The following ACAP3 variants were observed in gnomAD, a reference collection of about 807,000 sequenced individuals.
ACAP3 encodes the protein arf-GAP with coiled-coil, ANK repeat and PH domain-containing protein 3.
Under a neutral mutation model 104.1 loss-of-function variants are expected in ACAP3, and 56 were observed. The ratio of observed to expected loss-of-function variants is 0.54; its 90% CI spans 0.43 to 0.67. ACAP3 has a LOEUF of 0.67. Ranked by LOEUF, ACAP3 falls within the 30% of genes least tolerant of loss-of-function variation. ACAP3 has a pLI of 0.00. For synonymous variants in ACAP3, 628 were observed against 496.2 expected (o/e 1.27, Z -3.53); for missense variants, 1,208 against 1,174.9 (o/e 1.03, Z -0.41).
intron 9 of ACAP3, chr1:1,299,626 G>T: frequency 1.4e-6 from 1 of 727,184 alleles, no homozygotes; most frequent in South Asian, 2.0e-5. Context: ...CGCCTCAAAA[G>T]GAGATCCCAG....
Position 1,307,810 on chromosome 1 carries a change from G to A in ACAP3, c.6C>T (p.Thr2=). The change falls in exon 1 of 24, where the codon ACC becomes ACT. Residue 2 remains threonine, a synonymous_variant. Transcript: ENST00000354700. M[T]VEFEECVKDS... The stretch of plus-strand genomic sequence containing the variant: ...CCTTGACGCACTCCTCGAACTCCAC[G>A]GTCATGGCTGCGGCGGCCGCGGCGC... 2 of 1,067,428 alleles carry A rather than the reference G, an allele frequency of 1.9e-6. No homozygotes were observed. Among genetic ancestry groups the A allele is most frequent in the Non-Finnish European group, 2.3e-6 (2 of 883,320 alleles). The allele number at this position is 1,067,428 out of a possible 1,614,324, so 66.1% of individuals were successfully genotyped here.
intron 6 of ACAP3, 79 bp downstream of exon 6, chr1:1,300,430 C>G (rs888557672): frequency 6.9e-7 from 1 of 1,455,258 alleles, no homozygotes; most frequent in Non-Finnish European, 9.3e-7. Context: ...CTCAAAATCC[C>G]TCCAGTTCTG....
Position 1,300,688 on chromosome 1 carries a change from C to A in ACAP3, c.343G>T (p.Val115Leu). The A allele has an allele frequency of 6.2e-7, 1 of 1,608,118 alleles. No homozygotes were observed. The highest frequency in any genetic ancestry group is 1.1e-5 in the South Asian group (1 of 90,300). ...QQLQSFVKED[V>L]RKFKETKKQF... ...TTCTTTGTCTCCTTGAACTTCCGCA[C>A]ATCCCTGGAGGCCAAGTGCCAGGTG... Residue 115 changes from valine (V) to leucine (L), a missense_variant, in exon 6 of 24, where the codon GTG (valine) becomes TTG (leucine). Physicochemically the swap from Val to Leu is conservative, Grantham distance 32. Coordinates refer to ENST00000354700, the MANE Select transcript of ACAP3 (RefSeq NM_030649.3).
chr1:1,304,776 C>T (rs1161978099), intron 1 of ACAP3: 2 of 152,968 alleles, frequency 1.3e-5, no homozygotes, highest in African/African-American at 4.8e-5. Context: ...GTGGGGCTGC[C>T]TGGGGAGAGA....
rs1641577405 is a variant in ACAP3 at position 1,304,153 on chromosome 1, G to A, written c.48-10C>T. ...CTCGTCAATGGTCGCCCTAAAGCAA[G>A]AACGGGGCTGGCTGGGGTCACCTGC... On this transcript the variant is annotated splice_polypyrimidine_tract_variant and intron_variant, in intron 1 of 23. Coordinates refer to ENST00000354700, the MANE Select transcript of ACAP3 (RefSeq NM_030649.3). 1.9e-6 allele frequency: 3 copies of A among 1,550,390 alleles called. No individual in the cohort carries two copies. Among genetic ancestry groups the A allele is most frequent in the Admixed American group, 2.0e-5 (1 of 50,978 alleles).
intron 5 of ACAP3, chr1:1,301,757 G>A (rs1454277540): frequency 2.7e-5 from 10 of 364,710 alleles, no homozygotes; most frequent in East Asian, 4.2e-5. Context: ...CAAACCCAAC[G>A]TGGACTGGAC....
chr1:1,302,804 C>CA (rs1447734901), intron 4 of ACAP3, 118 bp downstream of exon 4: 9 of 331,498 alleles, frequency 2.7e-5, no homozygotes, highest in South Asian at 8.5e-5. Context: ...TTCCCCCCCC[C>CA]CCCGACTAGA....
intron 9 of ACAP3, chr1:1,299,563 G>A (rs966229629): frequency 1.5e-5 from 11 of 729,594 alleles, no homozygotes; most frequent in Admixed American, 9.6e-5. Context: ...CTGTCCCACA[G>A]GCAAGCAAAG....
At chr1:1,295,582 T>C (rs374191300) in intron 18 of ACAP3, 28 bp from the exon 19 acceptor site, 5 of 1,606,284 alleles carry the variant, frequency 3.1e-6, no homozygotes, top group Non-Finnish European at 4.3e-6. Context: ...GTTCAGAGTG[T>C]GGAACAGGCC....
chr1:1,304,537 A>C, intron 1 of ACAP3: 9 of 283,104 alleles, frequency 3.2e-5, no homozygotes, highest in Admixed American at 4.7e-5. Flanking sequence ...ACCTCCCCTC[A>C]CCCCACTGCA....
intron 14 of ACAP3, 62 bp downstream of exon 14, chr1:1,297,760 G>C (rs1306877969): frequency 2.6e-6 from 4 of 1,532,110 alleles, no homozygotes; most frequent in Non-Finnish European, 9.0e-7. Flanking sequence ...CGCGGGGCAG[G>C]GGCCATCCCC....
At position 1,302,983 on chromosome 1, in the gene ACAP3, AGC is replaced by A; in HGVS notation, c.226-10_226-9del. 6.2e-7 allele frequency: 1 copy of A among 1,609,096 alleles called. No homozygotes were observed. The highest frequency in any genetic ancestry group is 8.5e-7 in the Non-Finnish European group (1 of 1,178,004). On this transcript the variant is annotated splice_polypyrimidine_tract_variant and intron_variant, in intron 3 of 23. Transcript: ENST00000354700. Reference sequence around the variant, plus strand: ...GAACCTCTGCAGACATTCCTGGAGGAGCAGATGGGAACCCGTGCTGAGATGGC... The same window carrying A: ...GAACCTCTGCAGACATTCCTGGAGGAAGATGGGAACCCGTGCTGAGATGGC...
intron 7 of ACAP3, 40 bp downstream of exon 7, chr1:1,300,118 A>C: frequency 6.2e-7 from 1 of 1,607,778 alleles, no homozygotes; most frequent in Non-Finnish European, 8.5e-7. Flanking sequence ...CCAGCCCCCA[A>C]CATGCAGCCT....
rs1641558963 is a variant in ACAP3 at position 1,303,784 on chromosome 1, C to T, written c.105+302G>A. Reference sequence around the variant, plus strand: ...CCCAGCCACACCAAGGCTCAGCCCACACAGCAGCTGTCCCCGTGTCACCAG... The same window carrying T: ...CCCAGCCACACCAAGGCTCAGCCCATACAGCAGCTGTCCCCGTGTCACCAG... On this transcript the variant is annotated intron_variant, in intron 2 of 23. Coordinates refer to ENST00000354700, the MANE Select transcript of ACAP3 (RefSeq NM_030649.3). The surrounding 1 kb of genome is among the most constrained non-coding windows in gnomAD (Gnocchi z 4.0). 1.9e-6 allele frequency: 1 copy of T among 516,514 alleles called. No homozygotes were observed. The highest frequency in any genetic ancestry group is 3.5e-6 in the Non-Finnish European group (1 of 287,570). The allele number at this position is 516,514 out of a possible 1,614,324, so 32.0% of individuals were successfully genotyped here.
chr1:1,298,446 A>G (rs773615291), intron 11 of ACAP3, 25 bp from the exon 12 acceptor site: 3 of 1,594,840 alleles, frequency 1.9e-6, no homozygotes, highest in Middle Eastern at 1.7e-4. Context: ...GGATGTGGGG[A>G]GTCAGGCGGG....
rs1166527284 is a variant in ACAP3 at position 1,295,465 on chromosome 1, CG to C, written c.1794del (p.Ala599GlnfsTer8). ...DSLFSYFDAG[A>X]AGAGPRSLSS... ...CACTTACTGCGAGGGCCAGCCCCTG[CG>C]GCCCCTGCGTCGAAGTAGGAGAAGA... On this transcript the variant is annotated frameshift_variant, in exon 19 of 24. Transcript: ENST00000354700. LOFTEE classifies it high-confidence loss of function. 6.2e-7 allele frequency: 1 copy of C among 1,612,446 alleles called. No homozygotes were observed. The highest frequency in any genetic ancestry group is 8.5e-7 in the Non-Finnish European group (1 of 1,179,798).
At chr1:1,307,415 C>T in intron 1 of ACAP3, 1 of 1,292,358 alleles carries the variant, frequency 7.7e-7, no homozygotes, top group Non-Finnish European at 1.0e-6. Context: ...AGACCAGGGG[C>T]CGACGCCCCC....
rs1008398616 is a variant in ACAP3, at chr1:1,299,578, C to T, written c.739-222G>A. ...CTGTCCCACAGGCAAGCAAAGGCCC[C>T]GCAAGGAGCCAGTGACTGAGGCCAC... On this transcript the variant is annotated intron_variant, in intron 9 of 23. Coordinates refer to ENST00000354700, the MANE Select transcript of ACAP3 (RefSeq NM_030649.3). 4.2e-6 allele frequency: 3 copies of T among 718,354 alleles called. 1 individual carries two copies. Among genetic ancestry groups the T allele is most frequent in the South Asian group, 4.0e-5 (2 of 50,588 alleles). 44.5% of individuals were successfully genotyped at this position (718,354 alleles called of 1,614,324 possible).
rs1481656949 is a variant in ACAP3, at chr1:1,303,186, C to T, written c.201G>A (p.Gln67=). The change falls in exon 3 of 24, where the codon CAG becomes CAA. Residue 67 remains glutamine (Q), a synonymous_variant. Coordinates refer to ENST00000354700, the MANE Select transcript of ACAP3 (RefSeq NM_030649.3). This position sits in a 1 kb window ranked among gnomAD's most constrained non-coding sequence, Gnocchi z 4.0. ...CCGAGATGACGGTGTCGCCCTGGCA[C>T]TGCTGGGACAGGTCGCGGACGCCGC... ...FVSGVRDLSQ[Q]CQGDTVISEC... is the part of the protein sequence containing the mutation. 2.5e-6 allele frequency: 4 copies of T among 1,605,850 alleles called. No homozygotes were observed. The highest frequency in any genetic ancestry group is 3.4e-6 in the Non-Finnish European group (4 of 1,177,192).
Sources: allele counts gnomAD v4.1 joint callset, GRCh38; gene constraint gnomAD v4.1.1; non-coding constraint Gnocchi (gnomAD v3.1); transcripts MANE v1.5; gene names NCBI Gene and HGNC (gene_info 2026-07-23, HGNC 2026-07-21).